AGBL1: variants seen among roughly 807,000 people sequenced by gnomAD.
AGBL1 encodes cytosolic carboxypeptidase 4.
A neutral mutation model predicts 118.9 loss-of-function variants in AGBL1; 130 were observed. The ratio of observed to expected loss-of-function variants is 1.09; its 90% CI spans 0.95 to 1.26. AGBL1 has a LOEUF of 1.26. AGBL1 is among the 50% of genes most tolerant of loss of function. The probability of loss-of-function intolerance (pLI) is 0.00; values close to 1 mark genes in which losing one functional copy is unlikely to be tolerated. For synonymous variants in AGBL1, 555 were observed against 478.9 expected, an observed-to-expected ratio of 1.16 and a Z score of -2.08; for missense variants, 1,584 against 1,298.1, an observed-to-expected ratio of 1.22 and a Z score of -3.38.
At chr15:86,960,491 T>C (rs1164085747) in intron 23 of AGBL1, among the ~76,000 whole-genome samples, 1 of 152,036 alleles carries the variant, frequency 6.6e-6, no homozygotes. Context: ...ACATTAGTGT[T>C]GTCAAAGATG....
intron 17 of AGBL1, among the ~76,000 whole-genome samples, chr15:86,347,596 T>G (rs2141894302): frequency 6.6e-6 from 1 of 152,368 alleles, no homozygotes; most frequent in South Asian, 2.1e-4. Flanking sequence ...TTTTTGGTTC[T>G]GAATTAAGTA....
At chr15:86,612,798 C>T (rs889836850) in intron 21 of AGBL1, among the ~76,000 whole-genome samples, 1 of 152,180 alleles carries the variant, frequency 6.6e-6, no homozygotes, top group African/African-American at 2.4e-5. Flanking sequence ...CATCCATTCT[C>T]TCTGAAGCCG....
At chr15:86,737,426 A>G (rs1330809433) in intron 22 of AGBL1, among the ~76,000 whole-genome samples, 1 of 152,238 alleles carries the variant, frequency 6.6e-6, no homozygotes, top group East Asian at 1.9e-4. Flanking sequence ...ACATCTCTAC[A>G]AAGTGAAGTT....
At chr15:86,634,634 T>C (rs28699229) in intron 21 of AGBL1, among the ~76,000 whole-genome samples, 2,331 of 152,288 alleles carry the variant, frequency 0.015, 53 homozygotes, top group African/African-American at 0.047. Flanking sequence ...TAGATAGTGG[T>C]GAGGCCTGTA....
intron 23 of AGBL1, chr15:86,932,843 G>C (rs2080621951): frequency 6.6e-6 from 1 of 151,764 alleles, no homozygotes. Flanking sequence ...CTGATGAGAA[G>C]ACTTTTAGCC....
chr15:86,751,786 G>A (rs2077857105), intron 22 of AGBL1, among the ~76,000 whole-genome samples: 2 of 152,166 alleles, frequency 1.3e-5, no homozygotes, highest in East Asian at 3.9e-4. Flanking sequence ...TTCTTAAGAT[G>A]CTACCTTAAG....
intron 18 of AGBL1, among the ~76,000 whole-genome samples, chr15:86,438,146 T>C (rs560921960): frequency 2.6e-3 from 393 of 152,224 alleles, no homozygotes; most frequent in African/African-American, 8.9e-3. Context: ...GACCTCATGA[T>C]CCATCCATCT....
chr15:86,319,892 G>A (rs2141841293), intron 17 of AGBL1, among the ~76,000 whole-genome samples: 2 of 151,596 alleles, frequency 1.3e-5, no homozygotes, highest in Middle Eastern at 3.4e-3. Context: ...GAGTAGCTGG[G>A]ATTACAGGCA....
At chr15:86,755,474 T>C (rs1447916806) in intron 22 of AGBL1, among the ~76,000 whole-genome samples, 2 of 152,128 alleles carry the variant, frequency 1.3e-5, no homozygotes, top group African/African-American at 4.8e-5. Context: ...GTTGCCCATC[T>C]TCTTCAAGGA....
At position 86,144,294 on chromosome 15, in the gene AGBL1, C is replaced by T. The variant is rs540002242; in HGVS notation, c.262+449C>T. Among the ~76,000 whole-genome samples, 16 of 152,168 alleles carry T rather than the reference C, an allele frequency of 1.1e-4. No homozygotes were observed. In the South Asian group the frequency reaches 2.9e-3, roughly 28 times the overall value. Reference sequence around the variant, plus strand: ...AAGACCTAAAGACAGAAATACCATTCGATCCAGCAATCCCGTTACTGGGTA... The same window carrying T: ...AAGACCTAAAGACAGAAATACCATTTGATCCAGCAATCCCGTTACTGGGTA... On this transcript the variant is annotated intron_variant, in intron 3 of 22. Coordinates refer to ENST00000614907, the MANE Select transcript of AGBL1 (RefSeq NM_001386094.1).
intron 7 of AGBL1, 98 bp from the exon 8 acceptor site, chr15:86,256,755 C>G: frequency 8.1e-7 from 1 of 1,234,074 alleles, no homozygotes; most frequent in Non-Finnish European, 1.1e-6. Flanking sequence ...AGCTAGGAGA[C>G]TGTGCTGTGT....
intron 24 of AGBL1, among the ~76,000 whole-genome samples, chr15:86,995,345 C>T (rs2701407): frequency 0.62 from 94,409 of 151,932 alleles, 29,873 homozygotes; most frequent in South Asian, 0.75. Context: ...TGGATGGTGC[C>T]ACTGTACTCC....
intron 24 of AGBL1, among the ~76,000 whole-genome samples, chr15:86,999,290 G>A (rs7496603): frequency 0.094 from 14,134 of 149,906 alleles, 1,204 homozygotes; most frequent in African/African-American, 0.22. Flanking sequence ...TTACATGTGT[G>A]TACATGTGCC....
chr15:86,162,389 A>AT (rs1200790274), intron 5 of AGBL1, among the ~76,000 whole-genome samples: 1 of 152,148 alleles, frequency 6.6e-6, no homozygotes, highest in Non-Finnish European at 1.5e-5. Flanking sequence ...CTAAAATTAG[A>AT]TGTGCAGCTG....
intron 23 of AGBL1, among the ~76,000 whole-genome samples, chr15:86,964,114 A>G (rs1428209275): frequency 6.6e-6 from 1 of 150,884 alleles, no homozygotes; most frequent in Non-Finnish European, 1.5e-5. Context: ...ATTTTACTTG[A>G]GTAAAGTTAT....
At chr15:86,142,236 C>G (rs937614025) in intron 2 of AGBL1, among the ~76,000 whole-genome samples, 169 bp downstream of exon 2, 5 of 152,168 alleles carry the variant, frequency 3.3e-5, no homozygotes, top group African/African-American at 1.2e-4. Context: ...ACCCAAGTAA[C>G]CTGGACTGTT....
intron 22 of AGBL1, among the ~76,000 whole-genome samples, chr15:86,785,294 G>T (rs185219641): frequency 1.3e-5 from 2 of 151,688 alleles, no homozygotes; most frequent in African/African-American, 2.4e-5. Context: ...CTGGCTGACC[G>T]TCGGAATCCT....
chr15:86,153,303 C>T (rs2077141150), intron 3 of AGBL1, among the ~76,000 whole-genome samples: 1 of 152,156 alleles, frequency 6.6e-6, no homozygotes. Flanking sequence ...AAATGTGGCA[C>T]ATATACCCCA....
intron 22 of AGBL1, among the ~76,000 whole-genome samples, chr15:86,879,604 C>A (rs1177815584): frequency 2.6e-5 from 4 of 152,300 alleles, no homozygotes; most frequent in East Asian, 1.9e-4. Context: ...ATTGTAATTA[C>A]CGAAGGAACT....
Sources: gnomAD v4.1 joint callset for allele counts (sites outside exome capture counted in the v4.1 genomes callset) on GRCh38, gnomAD v4.1.1 for gene constraint, MANE v1.5 for transcripts, NCBI Gene and HGNC (gene_info 2026-07-23, HGNC 2026-07-21) for gene names.